RAC1: variants seen among roughly 807,000 people sequenced by gnomAD.
RAC1 encodes the protein Rac family small GTPase 1, also known as ras-related C3 botulinum toxin substrate 1.
In RAC1, 2 loss-of-function variants were observed where a neutral mutation model predicts 25.2. The ratio of observed to expected loss-of-function variants is 0.08; its 90% CI spans 0.03 to 0.25. The LOEUF is 0.25. Among genes scored for constraint, RAC1 ranks in the 10% least tolerant of loss-of-function variants. RAC1 has a pLI of 1.00. For missense variants in RAC1, 50 were observed against 235.7 expected, an observed-to-expected ratio of 0.21 and a Z score of 5.16; for synonymous variants, 88 against 94.0, an observed-to-expected ratio of 0.94 and a Z score of 0.37.
intron 1 of RAC1, among the ~76,000 whole-genome samples, chr7:6,377,321 CA>C (rs1251685719): frequency 6.6e-6 from 1 of 151,926 alleles, no homozygotes; most frequent in Non-Finnish European, 1.5e-5. Flanking sequence ...CTGGCCAGGT[CA>C]GGTGGCTCAC....
chr7:6,387,977 T>C (rs1207107628), intron 2 of RAC1, among the ~76,000 whole-genome samples: 2 of 152,182 alleles, frequency 1.3e-5, no homozygotes, highest in African/African-American at 4.8e-5. Context: ...TACGTTTTAA[T>C]TGGCCTTTTC....
chr7:6,382,817 A>G (rs1782808446), intron 1 of RAC1, among the ~76,000 whole-genome samples: 1 of 152,222 alleles, frequency 6.6e-6, no homozygotes, highest in African/African-American at 2.4e-5. Context: ...AGGTTGTGGT[A>G]AGCCAGGATT....
At chr7:6,390,055 C>T (rs1398339462) in intron 2 of RAC1, among the ~76,000 whole-genome samples, 1 of 128,296 alleles carries the variant, frequency 7.8e-6, no homozygotes. Flanking sequence ...CCTTCCTTCT[C>T]CTTTCTTTTC....
intron 1 of RAC1, chr7:6,375,733 T>G (rs1231750829): frequency 6.6e-6 from 1 of 151,712 alleles, no homozygotes; most frequent in Non-Finnish European, 1.5e-5. Context: ...GCTTAACGCG[T>G]TAGGTATGGG....
chr7:6,385,953 A>G (rs766877951), intron 1 of RAC1, among the ~76,000 whole-genome samples: 6 of 152,216 alleles, frequency 3.9e-5, no homozygotes, highest in Non-Finnish European at 7.3e-5. Flanking sequence ...TGCCTTGTCA[A>G]TGCTGTAAAA....
chr7:6,394,774 A>G (rs138379026), intron 3 of RAC1, among the ~76,000 whole-genome samples: 452 of 151,128 alleles, frequency 3.0e-3, no homozygotes, highest in Non-Finnish European at 4.7e-3. Context: ...TCCGCTTCCC[A>G]GGTTCAAGTG....
intron 3 of RAC1, among the ~76,000 whole-genome samples, chr7:6,395,623 C>T (rs1783214968): frequency 6.6e-6 from 1 of 152,048 alleles, no homozygotes; most frequent in Non-Finnish European, 1.5e-5. Context: ...TACTTTTGGT[C>T]CTATTTCAGC....
At chr7:6,377,465 G>A (rs1583256063) in intron 1 of RAC1, among the ~76,000 whole-genome samples, 1 of 152,046 alleles carries the variant, frequency 6.6e-6, no homozygotes, top group Non-Finnish European at 1.5e-5. Context: ...GTAGACACAT[G>A]TGCCTGTAGT....
intron 3 of RAC1, among the ~76,000 whole-genome samples, chr7:6,397,253 GA>G (rs1049025125): frequency 1.1e-4 from 11 of 96,230 alleles, no homozygotes; most frequent in Non-Finnish European, 4.2e-5. Context: ...AAAAAAAAAA[GA>G]AAAAAAAGAA....
chr7:6,381,881 G>T (rs1782775318), intron 1 of RAC1, among the ~76,000 whole-genome samples: 1 of 152,182 alleles, frequency 6.6e-6, no homozygotes, highest in South Asian at 2.1e-4. Context: ...CCCATACCTT[G>T]TTTGTCAGTG....
chr7:6,389,505 C>T (rs932162384), intron 2 of RAC1, among the ~76,000 whole-genome samples: 1 of 151,840 alleles, frequency 6.6e-6, no homozygotes, highest in Admixed American at 6.6e-5. Flanking sequence ...GATGGTGAAA[C>T]CCTGTCTCTA....
rs1782553771 is a variant in RAC1 at position 6,375,345 on chromosome 7, C to T, written c.35+575C>T. 2.0e-5 allele frequency among the ~76,000 whole-genome samples: 3 copies of T among 152,106 alleles called. No individual in the cohort carries two copies. In the South Asian group the frequency reaches 6.2e-4, roughly 32 times the overall value. On this transcript the variant is annotated intron_variant, in intron 1 of 5. Coordinates refer to ENST00000348035, the MANE Select transcript of RAC1 (RefSeq NM_006908.5). ...GTTCAAGCAATCCTCCCATCCCAGC[C>T]TCCAAAATGCTGGGATTACAGGCGT... is the stretch of plus-strand genomic sequence containing the variant.
chr7:6,401,728 T>C, intron 4 of RAC1, 140 bp from the exon 5 acceptor site: 2 of 769,382 alleles, frequency 2.6e-6, no homozygotes, highest in South Asian at 3.7e-5. Flanking sequence ...GAATTGAAGG[T>C]GGGAACCACC....
intron 2 of RAC1, among the ~76,000 whole-genome samples, chr7:6,391,197 C>G (rs1783082302): frequency 6.6e-6 from 1 of 151,948 alleles, no homozygotes; most frequent in South Asian, 2.1e-4. Flanking sequence ...CGTGCCCAGC[C>G]TCTGCTTTTT....
chr7:6,388,064 AGG>A (rs2115194345), intron 2 of RAC1, among the ~76,000 whole-genome samples: 1 of 152,172 alleles, frequency 6.6e-6, no homozygotes, highest in East Asian at 1.9e-4. Flanking sequence ...TGTGTGTTGA[AGG>A]GGGAATGGGA....
At chr7:6,377,060 G>C (rs769278745) in intron 1 of RAC1, among the ~76,000 whole-genome samples, 30 of 152,114 alleles carry the variant, frequency 2.0e-4, no homozygotes, top group Non-Finnish European at 4.3e-4. Flanking sequence ...GACTAAACAA[G>C]ATGTTGGTTA....
At chr7:6,385,928 G>A (rs1198704901) in intron 1 of RAC1, among the ~76,000 whole-genome samples, 1 of 152,204 alleles carries the variant, frequency 6.6e-6, no homozygotes, top group East Asian at 1.9e-4. Flanking sequence ...GAATTCTCAT[G>A]TAAGCCCTTA....
Position 6,399,973 on chromosome 7 carries a change from A to T in RAC1, c.226-153A>T. On this transcript the variant is annotated intron_variant, in intron 3 of 5. Coordinates refer to ENST00000348035, the MANE Select transcript of RAC1 (RefSeq NM_006908.5). Reference sequence around the variant, plus strand: ...GGGTTTGGTTTGGGAGCCCTCTGACAAACTGAAAGGGTGGATCAGGAAGCG... The same window carrying T: ...GGGTTTGGTTTGGGAGCCCTCTGACTAACTGAAAGGGTGGATCAGGAAGCG... 4.5e-6 allele frequency: 3 copies of T among 668,996 alleles called. No individual in the cohort carries two copies. In the South Asian group the frequency reaches 5.6e-5, roughly 13 times the overall value. 41.4% of individuals were successfully genotyped at this position (668,996 alleles called of 1,614,324 possible).
chr7:6,390,248 T>G (rs1783053291), intron 2 of RAC1, among the ~76,000 whole-genome samples: 1 of 151,776 alleles, frequency 6.6e-6, no homozygotes, highest in Admixed American at 6.6e-5. Context: ...AGTCTGTCAT[T>G]TGTCTTTGTA....
Sources: allele counts gnomAD v4.1 joint callset (sites outside exome capture counted in the v4.1 genomes callset), GRCh38; gene constraint gnomAD v4.1.1; transcripts MANE v1.5; gene names NCBI Gene and HGNC (gene_info 2026-07-23, HGNC 2026-07-21).